Variants in BRWD1 observed in about 807,000 individuals in gnomAD.
The protein encoded by BRWD1 is bromodomain and WD repeat-containing protein 1.
A neutral mutation model predicts 251.2 loss-of-function variants in BRWD1; 82 were observed. The ratio of observed to expected loss-of-function variants is 0.33; its 90% CI spans 0.27 to 0.39. The LOEUF (loss-of-function observed/expected upper bound fraction) is 0.39. Ranked by LOEUF, BRWD1 falls within the 10% of genes least tolerant of loss-of-function variation. BRWD1 has a pLI of 1.00. For synonymous variants in BRWD1, 918 were observed against 902.8 expected (o/e 1.02, Z -0.30); for missense variants, 2,233 against 2,711.6 (o/e 0.82, Z 3.92).
chr21:39,187,806 C>CT lies in BRWD1; in HGVS notation c.*8452dup, dbSNP rs1412313354. ...GACACACGAGATTCAGATTAAAATT[C>CT]TAAAAAATAACACAGAGTTGCTTTA... On this transcript the variant is annotated 3_prime_UTR_variant, in exon 41 of 41. Coordinates refer to ENST00000342449, the MANE Select transcript of BRWD1 (RefSeq NM_033656.4). 1 of 985,126 alleles carries CT rather than the reference C, an allele frequency of 1.0e-6. No individual in the cohort carries two copies. Among genetic ancestry groups the CT allele is most frequent in the Non-Finnish European group, 1.2e-6 (1 of 829,876 alleles). The allele number at this position is 985,126 out of a possible 1,614,324, so 61.0% of individuals were successfully genotyped here.
chr21:39,311,053 G>A lies in BRWD1; in HGVS notation c.198+1788C>T, dbSNP rs150971993. 2.6e-4 allele frequency among the ~76,000 whole-genome samples: 39 copies of A among 150,756 alleles called. No homozygotes were observed. In the East Asian group the frequency reaches 7.3e-3, roughly 28 times the overall value. ...CCAAATCAGGGAGGCAATGATAGAT[G>A]CCATATGTCATAGCCAAATCACAGC... On this transcript the variant is annotated intron_variant, in intron 4 of 40. Coordinates refer to ENST00000342449, the MANE Select transcript of BRWD1 (RefSeq NM_033656.4).
In BRWD1 at chr21:39,196,662, T is replaced by G; in HGVS notation, c.6407A>C (p.Glu2136Ala). Residue 2136 changes from glutamate (E) to alanine (A), a missense_variant, in exon 41 of 41, where the codon GAA becomes GCA. Physicochemically the swap from Glu to Ala is moderately radical, Grantham distance 107 (BLOSUM62 -1). This residue lies in a region of BRWD1 where 928 missense variants were observed against 970.0 expected (regional missense o/e 0.96). Coordinates refer to ENST00000342449, the MANE Select transcript of BRWD1 (RefSeq NM_033656.4). ...AGTTGTTTCAGAGATTTTCACATTT[T>G]CCAATTCAGGATGCGATCTCTTCCT... ...VKRKRSHPEL[E>A]NVKISETTGN... The G allele has an allele frequency of 6.2e-7, 1 of 1,613,934 alleles. No homozygotes were observed. Among genetic ancestry groups the G allele is most frequent in the Non-Finnish European group, 8.5e-7 (1 of 1,179,878 alleles).
chr21:39,199,252 ACTCTGAGT>A lies in BRWD1; in HGVS notation c.5156_5163del (p.Asp1719ValfsTer4). On this transcript the variant is annotated frameshift_variant, in exon 40 of 41. Coordinates refer to ENST00000342449, the MANE Select transcript of BRWD1 (RefSeq NM_033656.4). LOFTEE classifies it high-confidence loss of function. ...CGGGCTACCCGCAAATCACTTTCTG[ACTCTGAGT>A]CTCTGTTTTCAGATTCATCAACATT... 1 of 1,613,898 alleles carries A rather than the reference ACTCTGAGT, an allele frequency of 6.2e-7. No homozygotes were observed. The highest frequency in any genetic ancestry group is 8.5e-7 in the Non-Finnish European group (1 of 1,180,000).
chr21:39,198,670 AG>A, intron 40 of BRWD1, 92 bp downstream of exon 40: 2 of 1,132,330 alleles, frequency 1.8e-6, no homozygotes, highest in Non-Finnish European at 2.5e-6. Flanking sequence ...AAAAGTTTCA[AG>A]GGAAACTTTT....
chr21:39,317,447 A>C (rs537664807), upstream of BRWD1, among the ~76,000 whole-genome samples: 152 of 152,344 alleles, frequency 1.0e-3, no homozygotes, highest in South Asian at 2.1e-3. Context: ...CAGCTCTTAG[A>C]TGTCATTGAT....
intron 5 of BRWD1, chr21:39,298,028 C>G (rs909221581): frequency 1.0e-6 from 1 of 986,264 alleles, no homozygotes; most frequent in African/African-American, 1.7e-5. Flanking sequence ...AAATCACTTC[C>G]CTTTATAACA....
At chr21:39,264,722 T>C (rs2034865945) in intron 16 of BRWD1, 37 bp from the exon 17 acceptor site, 4 of 1,521,660 alleles carry the variant, frequency 2.6e-6, no homozygotes, top group Admixed American at 2.0e-5. Flanking sequence ...CATTTTAAGG[T>C]TCACACATTT....
downstream of BRWD1, chr21:39,185,295 T>TAAAAAAAAAAAAAAAAAAAAAAAA (rs10525862): frequency 3.6e-4 from 26 of 71,818 alleles, 1 homozygote; most frequent in South Asian, 5.3e-4. Context: ...CTGAAATTGC[T>TAAAAAAAAAAAAAAAAAAAAAAAA]AAAAAAAAAA....
At position 39,203,434 on chromosome 21, in the gene BRWD1, GGTTCTTTTTTT is replaced by G. The variant is rs1200814340; in HGVS notation, c.4365-900_4365-890del. 6.3e-3 allele frequency among the ~76,000 whole-genome samples: 407 copies of G among 64,310 alleles called. 10 individuals are homozygous for G. Among genetic ancestry groups the G allele is most frequent in the African/African-American group, 0.018 (376 of 20,992 alleles). The allele number at this position is 64,310 out of a possible 152,430, so 42.2% of individuals were successfully genotyped here. A position where few individuals can be genotyped will look rare whatever the true frequency, so the allele number is the denominator to read the frequency against. ...AGCCTGGGCAACAGAGCAAGACCCT[GGTTCTTTTTTT>G]TTTTTTTTTTTTTTTTTGAGACAGA... is the stretch of plus-strand genomic sequence containing the variant. On this transcript the variant is annotated intron_variant, in intron 37 of 40. Coordinates refer to ENST00000342449, the MANE Select transcript of BRWD1 (RefSeq NM_033656.4).
At chr21:39,316,461 T>A (rs1568992081), upstream of BRWD1, among the ~76,000 whole-genome samples, 1 of 152,184 alleles carries the variant, frequency 6.6e-6, no homozygotes, top group Non-Finnish European at 1.5e-5. Context: ...GACAAAGACA[T>A]CAAGAGGGGA....
intron 33 of BRWD1, 122 bp downstream of exon 33, chr21:39,213,359 A>G (rs1035082483): frequency 2.6e-5 from 21 of 801,980 alleles, no homozygotes; most frequent in Admixed American, 2.1e-4. Context: ...TAATTTTATC[A>G]AATGCCCTAT....
At chr21:39,295,067 G>C (rs1024664326) in intron 7 of BRWD1, among the ~76,000 whole-genome samples, 1 of 151,828 alleles carries the variant, frequency 6.6e-6, no homozygotes, top group South Asian at 2.1e-4. Flanking sequence ...GAGGTCTGAG[G>C]AGCTTTTTAT....
chr21:39,252,798 A>G (rs796971880), intron 19 of BRWD1, among the ~76,000 whole-genome samples: 10 of 123,198 alleles, frequency 8.1e-5, no homozygotes, highest in African/African-American at 2.7e-4. Flanking sequence ...ATTATGGTCA[A>G]ATGACAACAT....
chr21:39,314,398 G>A (rs890799524), upstream of BRWD1: 3 of 452,270 alleles, frequency 6.6e-6, no homozygotes, highest in Non-Finnish European at 1.3e-5. Flanking sequence ...CTGACGGCTC[G>A]GCTGGATCCA....
chr21:39,295,365 T>C (rs1377112733), intron 7 of BRWD1, among the ~76,000 whole-genome samples: 1 of 151,778 alleles, frequency 6.6e-6, no homozygotes, highest in East Asian at 1.9e-4. Flanking sequence ...TTTTCTGTAT[T>C]TTTAGTAGAG....
In BRWD1 at chr21:39,192,358, A is replaced by C. The variant is rs2031596904; in HGVS notation, c.*3901T>G. 1.0e-6 allele frequency: 1 copy of C among 985,180 alleles called. No homozygotes were observed. Among genetic ancestry groups the C allele is most frequent in the African/African-American group, 1.7e-5 (1 of 57,322 alleles). 61.0% of individuals were successfully genotyped at this position (985,180 alleles called of 1,614,324 possible). ...CCCACAATGCTCTATTTTCTCACCT[A>C]GTTTTGACAAATTTATTCCTTCTCT... On this transcript the variant is annotated 3_prime_UTR_variant, in exon 41 of 41. Transcript: ENST00000342449.
At chr21:39,222,810 C>A (rs1171908788) in intron 29 of BRWD1, among the ~76,000 whole-genome samples, 1 of 152,064 alleles carries the variant, frequency 6.6e-6, no homozygotes, top group Non-Finnish European at 1.5e-5. Flanking sequence ...AAATATATCC[C>A]CATGGGACAC....
chr21:39,207,401 C>G (rs2146485163), intron 36 of BRWD1, among the ~76,000 whole-genome samples: 1 of 148,720 alleles, frequency 6.7e-6, no homozygotes, highest in Admixed American at 6.8e-5. Flanking sequence ...TGCTCTCCAG[C>G]CTGGGCAACA....
chr21:39,235,243 CAAAAAAT>C (rs1351585946), intron 23 of BRWD1: 3 of 152,140 alleles, frequency 2.0e-5, no homozygotes, highest in East Asian at 1.9e-4. Context: ...AGACTCCTCT[CAAAAAAT>C]AAAAAATAAA....
Sources: allele counts gnomAD v4.1 joint callset (sites outside exome capture counted in the v4.1 genomes callset), GRCh38; gene constraint gnomAD v4.1.1; regional missense constraint gnomAD v4.1.1; transcripts MANE v1.5; gene names NCBI Gene and HGNC (gene_info 2026-07-23, HGNC 2026-07-21).